TIMM9: variants seen among roughly 807,000 people sequenced by gnomAD.
The protein encoded by TIMM9 is mitochondrial import inner membrane translocase subunit Tim9.
A neutral mutation model predicts 13.4 loss-of-function variants in TIMM9; 10 were observed. That is an observed-to-expected ratio of 0.75 (90% CI 0.46 to 1.26). The LOEUF (loss-of-function observed/expected upper bound fraction) is 1.26. TIMM9 is among the 50% of genes most tolerant of loss of function. The pLI is 0.00. For synonymous variants in TIMM9, 32 were observed against 32.1 expected, an observed-to-expected ratio of 1.00 and a Z score of 0.01; for missense variants, 87 against 100.8, an observed-to-expected ratio of 0.86 and a Z score of 0.58.
chr14:58,414,669 G>A (rs879043367), intron 3 of TIMM9, among the ~76,000 whole-genome samples: 3 of 146,412 alleles, frequency 2.0e-5, no homozygotes, highest in Admixed American at 7.1e-5. Context: ...CCCCTTGGGC[G>A]GAGGTTGCAG....
intron 3 of TIMM9, among the ~76,000 whole-genome samples, chr14:58,414,006 C>CAAAAA (rs2036307895): frequency 3.9e-3 from 1 of 254 alleles, no homozygotes; most frequent in African/African-American, 8.5e-3. Context: ...GATTCCGTCT[C>CAAAAA]AGAAAAAAAA....
At position 58,409,482 on chromosome 14, in the gene TIMM9, C is replaced by A. The variant is rs1377300366; in HGVS notation, c.136-314G>T. On this transcript the variant is annotated intron_variant, in intron 5 of 5. Transcript: ENST00000395159. Reference sequence around the variant, plus strand: ...AGCCCACATTCCTGTCTTCTTGTTTCGATTATTAAAATGTAGACCCAGTAG... The same window carrying A: ...AGCCCACATTCCTGTCTTCTTGTTTAGATTATTAAAATGTAGACCCAGTAG... 3.9e-5 allele frequency among the ~76,000 whole-genome samples: 6 copies of A among 152,222 alleles called. No individual in the cohort carries two copies. The East Asian group carries it at 5.8e-4, about 15-fold the overall frequency.
chr14:58,426,748 C>A (rs2147611), intron 2 of TIMM9, among the ~76,000 whole-genome samples: 148,718 of 152,258 alleles, frequency 0.98, 72,727 homozygotes, highest in Non-Finnish European at 1. Flanking sequence ...GGATCTTCCC[C>A]CGGGCAGCTC....
intron 3 of TIMM9, 144 bp from the exon 4 acceptor site, chr14:58,412,115 T>C (rs2036239232): frequency 1.4e-5 from 9 of 625,702 alleles, no homozygotes; most frequent in South Asian, 1.2e-4. Flanking sequence ...AGATCATTAA[T>C]GACCATAGAA....
chr14:58,426,102 G>A (rs903108017), intron 2 of TIMM9, among the ~76,000 whole-genome samples: 3 of 151,950 alleles, frequency 2.0e-5, no homozygotes, highest in Admixed American at 1.3e-4. Flanking sequence ...GTGCCACAGA[G>A]TGAGACTTTG....
At chr14:58,425,380 T>A (rs1053725629) in intron 2 of TIMM9, among the ~76,000 whole-genome samples, 16 of 151,030 alleles carry the variant, frequency 1.1e-4, no homozygotes, top group African/African-American at 3.4e-4. Context: ...GCCTGGGCAA[T>A]AAGGCGAGAC....
At chr14:58,420,793 C>CAAAAAAAAAAA in intron 3 of TIMM9, among the ~76,000 whole-genome samples, 1 of 57,504 alleles carries the variant, frequency 1.7e-5, no homozygotes, top group Non-Finnish European at 3.4e-5. Context: ...AAATCCATCT[C>CAAAAAAAAAAA]AAAAAAAAAA....
At chr14:58,412,634 C>T (rs559916329) in intron 3 of TIMM9, among the ~76,000 whole-genome samples, 24 of 152,284 alleles carry the variant, frequency 1.6e-4, no homozygotes, top group Admixed American at 1.3e-3. Flanking sequence ...GGTGTGGTGG[C>T]TCATGCCTGT....
chr14:58,408,710 G>T lies in TIMM9; in HGVS notation c.*324C>A. On this transcript the variant is annotated 3_prime_UTR_variant, in exon 6 of 6. Coordinates refer to ENST00000395159, the MANE Select transcript of TIMM9 (RefSeq NM_012460.4). Reference sequence around the variant, plus strand: ...AAATTTTTCTATCTCATACATGATCGAACACATAAGTTGCTTTAAAATTAA... The same window carrying T: ...AAATTTTTCTATCTCATACATGATCTAACACATAAGTTGCTTTAAAATTAA... 1 of 866,518 alleles carries T rather than the reference G, an allele frequency of 1.2e-6. No homozygotes were observed. The highest frequency in any genetic ancestry group is 1.7e-6 in the Non-Finnish European group (1 of 576,816). 53.7% of individuals were successfully genotyped at this position (866,518 alleles called of 1,614,324 possible).
chr14:58,418,929 T>C (rs766828995), intron 3 of TIMM9, among the ~76,000 whole-genome samples: 41 of 152,108 alleles, frequency 2.7e-4, no homozygotes, highest in Admixed American at 7.2e-4. Context: ...ACAAGATTTC[T>C]TATAAATATA....
intron 3 of TIMM9, among the ~76,000 whole-genome samples, chr14:58,422,650 TAA>T (rs1201245210): frequency 2.6e-5 from 4 of 152,156 alleles, no homozygotes; most frequent in Non-Finnish European, 5.9e-5. Context: ...TTCAGTGAAA[TAA>T]AGTCTGTCAT....
At chr14:58,420,322 C>A (rs1329545162) in intron 3 of TIMM9, among the ~76,000 whole-genome samples, 1 of 152,038 alleles carries the variant, frequency 6.6e-6, no homozygotes, top group East Asian at 1.9e-4. Context: ...TGACAAAGAA[C>A]TAATAAGCAG....
At chr14:58,409,446 T>C (rs2036138259) in intron 5 of TIMM9, among the ~76,000 whole-genome samples, 1 of 152,216 alleles carries the variant, frequency 6.6e-6, no homozygotes, top group Non-Finnish European at 1.5e-5. Flanking sequence ...TCTGCAAGTG[T>C]ATTAAGTGAA....
Position 58,410,937 on chromosome 14 carries a change from A to G in TIMM9, c.41T>C (p.Phe14Ser), listed in dbSNP as rs1246281005. The G allele has an allele frequency of 1.9e-6, 3 of 1,607,740 alleles. No homozygotes were observed. The highest frequency in any genetic ancestry group is 2.6e-6 in the Non-Finnish European group (3 of 1,176,388). Residue 14 changes from phenylalanine (F) to serine (S), a missense_variant and splice_region_variant, in exon 5 of 6, where the codon TTT (phenylalanine) becomes TCT (serine). By Grantham distance (155) the Phe-to-Ser change is radical (BLOSUM62 -2). Transcript: ENST00000395159. ...QIPESDQIKQ[F>S]KEFLGTYNKL... ...ATTGTAGGTCCCCAGAAATTCCTTA[A>G]ACTACAAACAAACCAGAATGTTCTT...
In TIMM9 at chr14:58,408,497, A is replaced by G. The variant is rs1226217805; in HGVS notation, c.*537T>C. On this transcript the variant is annotated 3_prime_UTR_variant, in exon 6 of 6. Transcript: ENST00000395159. Reference sequence around the variant, plus strand: ...AAGAAAAGGATCATGCATTGAAATGATTAGCAAGTAACTATTTTATGTATT... The same window carrying G: ...AAGAAAAGGATCATGCATTGAAATGGTTAGCAAGTAACTATTTTATGTATT... 3 of 1,599,422 alleles carry G rather than the reference A, an allele frequency of 1.9e-6. No homozygotes were observed. The highest frequency in any genetic ancestry group is 2.2e-5 in the South Asian group (2 of 90,696).
At chr14:58,413,707 A>C (rs531114970) in intron 3 of TIMM9, among the ~76,000 whole-genome samples, 6 of 152,260 alleles carry the variant, frequency 3.9e-5, no homozygotes, top group Admixed American at 3.9e-4. Flanking sequence ...ATTTCATATA[A>C]AAGATTTGTA....
chr14:58,410,915 G>GTT lies in TIMM9; in HGVS notation c.62_63insAA (p.Tyr21Ter). ...AAAAGCAGGTCTCTGTAAGTTTATT[G>GTT]TAGGTCCCCAGAAATTCCTTAAACT... ...IKQFKEFLGT[Y>*]NKLTETCFLD... The change falls in exon 5 of 6, where the codon TAC becomes TAAAC. Residue 21 changes from tyrosine to a stop codon, truncating the protein, a stop_gained and frameshift_variant. Coordinates refer to ENST00000395159, the MANE Select transcript of TIMM9 (RefSeq NM_012460.4). LOFTEE classifies it high-confidence loss of function. 1.9e-6 allele frequency: 3 copies of GTT among 1,612,912 alleles called. No individual in the cohort carries two copies. The highest frequency in any genetic ancestry group is 2.5e-6 in the Non-Finnish European group (3 of 1,179,596).
At chr14:58,422,218 C>T (rs1467547876) in intron 3 of TIMM9, among the ~76,000 whole-genome samples, 2 of 151,446 alleles carry the variant, frequency 1.3e-5, no homozygotes, top group Admixed American at 6.6e-5. Context: ...CAGGTTCAAG[C>T]GATTCTCCTG....
intron 3 of TIMM9, among the ~76,000 whole-genome samples, chr14:58,422,981 G>A (rs1277612857): frequency 6.6e-6 from 1 of 151,414 alleles, no homozygotes; most frequent in Admixed American, 6.6e-5. Context: ...GCTAATTTTT[G>A]TTTAGTATAG....
Sources: gnomAD v4.1 joint callset for allele counts (sites outside exome capture counted in the v4.1 genomes callset) on GRCh38, gnomAD v4.1.1 for gene constraint, MANE v1.5 for transcripts, NCBI Gene and HGNC (gene_info 2026-07-23, HGNC 2026-07-21) for gene names.